The following ARHGEF10L variants were observed in gnomAD, a reference collection of about 807,000 sequenced individuals.
The protein encoded by ARHGEF10L is rho guanine nucleotide exchange factor 10-like protein.
ARHGEF10L carries 69 observed loss-of-function variants against 141.2 expected under a neutral mutation model. That is an observed-to-expected ratio of 0.49 (90% confidence interval 0.40 to 0.60). ARHGEF10L has a LOEUF of 0.60. Ranked by LOEUF, ARHGEF10L falls within the 20% of genes least tolerant of loss-of-function variation. ARHGEF10L has a pLI of 0.00. For missense variants in ARHGEF10L, 1,482 were observed against 1,734.3 expected, an observed-to-expected ratio of 0.85 and a Z score of 2.58; for synonymous variants, 711 against 718.5, an observed-to-expected ratio of 0.99 and a Z score of 0.17.
chr1:17,669,764 G>A (rs941295340), intron 26 of ARHGEF10L, among the ~76,000 whole-genome samples: 4 of 152,250 alleles, frequency 2.6e-5, no homozygotes, highest in Non-Finnish European at 4.4e-5. Flanking sequence ...TCTAGCAGGG[G>A]CTCCCAATTC....
chr1:17,691,429 G>A (rs2065097204), intron 27 of ARHGEF10L, among the ~76,000 whole-genome samples: 1 of 152,080 alleles, frequency 6.6e-6, no homozygotes, highest in African/African-American at 2.4e-5. Flanking sequence ...GTGGGGGCTG[G>A]GAGGATGCAG....
At chr1:17,529,665 C>T in the ARHGEF10L span, among the ~76,000 whole-genome samples, 3 of 152,072 alleles carry the variant, frequency 2.0e-5, no homozygotes, top group South Asian at 4.1e-4. Context: ...GGCAGGCTAT[C>T]TGGGAAGTTC....
intron 25 of ARHGEF10L, among the ~76,000 whole-genome samples, chr1:17,663,995 C>T (rs894978897): frequency 1.6e-4 from 24 of 152,166 alleles, no homozygotes; most frequent in Admixed American, 4.6e-4. Flanking sequence ...CTCATTTGTG[C>T]TTGGCGTGTC....
chr1:17,601,795 G>C lies in ARHGEF10L; in HGVS notation c.258-332G>C, dbSNP rs1190473115. On this transcript the variant is annotated intron_variant, in intron 4 of 28. Transcript: ENST00000361221. ...AGGGATCCCCCAGCCTGCCCCTTCTGTTGTATGTGGGAGAGTGGAGAGGTG... is the reference window on the plus strand; with the variant it reads ...AGGGATCCCCCAGCCTGCCCCTTCTCTTGTATGTGGGAGAGTGGAGAGGTG... Among the ~76,000 whole-genome samples the C allele has an allele frequency of 2.6e-5, 4 of 152,156 alleles. No individual in the cohort carries two copies. In the East Asian group the frequency reaches 7.7e-4, roughly 29 times the overall value.
At chr1:17,588,509 G>A (rs748558269) in intron 4 of ARHGEF10L, 30 bp downstream of exon 4, 36 of 1,613,684 alleles carry the variant, frequency 2.2e-5, no homozygotes, top group East Asian at 1.3e-4. Context: ...TTGCTTTGGC[G>A]GTTGGAAACA....
In ARHGEF10L at chr1:17,633,724, T is replaced by C. The variant is rs533588870; in HGVS notation, c.1731-824T>C. Among the ~76,000 whole-genome samples the C allele has an allele frequency of 2.6e-5, 4 of 152,234 alleles. No homozygotes were observed. In the South Asian group the frequency reaches 8.3e-4, roughly 32 times the overall value. Reference sequence around the variant, plus strand: ...TCACCGAAATCCAGGAGGGAAACAATCACCTCAGTGGAATGTGAATCCCAG... The same window carrying C: ...TCACCGAAATCCAGGAGGGAAACAACCACCTCAGTGGAATGTGAATCCCAG... On this transcript the variant is annotated intron_variant, in intron 16 of 28. Coordinates refer to ENST00000361221, the MANE Select transcript of ARHGEF10L (RefSeq NM_018125.4).
intron 16 of ARHGEF10L, among the ~76,000 whole-genome samples, chr1:17,633,948 T>A (rs1279329873): frequency 6.6e-6 from 1 of 152,146 alleles, no homozygotes; most frequent in Non-Finnish European, 1.5e-5. Context: ...CGTCTATGAA[T>A]CCATTGAATG....
intron 26 of ARHGEF10L, among the ~76,000 whole-genome samples, chr1:17,675,977 T>G (rs552605212): frequency 4.1e-5 from 6 of 147,010 alleles, no homozygotes; most frequent in Non-Finnish European, 8.9e-5. Flanking sequence ...TGTGCAAGTG[T>G]GGGTGCAGGT....
At chr1:17,551,051 A>G (rs1252167801) in intron 1 of ARHGEF10L, among the ~76,000 whole-genome samples, 2 of 152,188 alleles carry the variant, frequency 1.3e-5, no homozygotes, top group Non-Finnish European at 2.9e-5. Flanking sequence ...CAGCAGGTGC[A>G]CGACTGTGTA....
At chr1:17,546,886 G>A (rs1009917565) in intron 1 of ARHGEF10L, among the ~76,000 whole-genome samples, 4 of 152,138 alleles carry the variant, frequency 2.6e-5, no homozygotes, top group South Asian at 4.1e-4. Context: ...TGCATGGCTC[G>A]TGGGAGCTTT....
the ARHGEF10L span, among the ~76,000 whole-genome samples, chr1:17,519,884 C>T: frequency 4.6e-5 from 7 of 152,020 alleles, no homozygotes; most frequent in African/African-American, 7.2e-5. Flanking sequence ...GAGACAAGGC[C>T]GGTTGCATGA....
chr1:17,643,734 T>C (rs1266405419), intron 21 of ARHGEF10L, among the ~76,000 whole-genome samples: 1 of 152,092 alleles, frequency 6.6e-6, no homozygotes, highest in Non-Finnish European at 1.5e-5. Flanking sequence ...TGTGGGGAGA[T>C]GGTGCATGGA....
At chr1:17,531,417 TG>T in the ARHGEF10L span, among the ~76,000 whole-genome samples, 1 of 152,164 alleles carries the variant, frequency 6.6e-6, no homozygotes, top group African/African-American at 2.4e-5. Flanking sequence ...CTTGAGTTCT[TG>T]GGGGAAGACT....
intron 26 of ARHGEF10L, among the ~76,000 whole-genome samples, chr1:17,670,267 C>A (rs1287414829): frequency 6.6e-6 from 1 of 152,232 alleles, no homozygotes; most frequent in African/African-American, 2.4e-5. Flanking sequence ...CCCTGCAGAG[C>A]TGGCACCCGC....
At chr1:17,595,608 TG>T (rs1203058112) in intron 4 of ARHGEF10L, among the ~76,000 whole-genome samples, 1 of 151,990 alleles carries the variant, frequency 6.6e-6, no homozygotes, top group Non-Finnish European at 1.5e-5. Flanking sequence ...TGACCATGTG[TG>T]GGGTGGCACA....
At chr1:17,665,531 GTGT>G (rs2102192441) in intron 26 of ARHGEF10L, among the ~76,000 whole-genome samples, 1 of 152,306 alleles carries the variant, frequency 6.6e-6, no homozygotes, top group South Asian at 2.1e-4. Flanking sequence ...TGCTTTTCTG[GTGT>G]TGTAGCAGCA....
chr1:17,619,456 G>A lies in ARHGEF10L; in HGVS notation c.942+11G>A. ...CTGAGCCCTCAGCAGGTCTGTGGGG[G>A]AGTGGGGCAGGTGGGGGTCTGCAGG... On this transcript the variant is annotated intron_variant, in intron 10 of 28. Transcript: ENST00000361221. This position sits in a 1 kb window ranked among gnomAD's most constrained non-coding sequence, Gnocchi z 5.0. 6.3e-7 allele frequency: 1 copy of A among 1,579,354 alleles called. No homozygotes were observed. The highest frequency in any genetic ancestry group is 8.6e-7 in the Non-Finnish European group (1 of 1,160,580).
intron 26 of ARHGEF10L, among the ~76,000 whole-genome samples, chr1:17,668,738 G>A (rs1412936008): frequency 6.6e-6 from 1 of 152,216 alleles, no homozygotes; most frequent in East Asian, 1.9e-4. Flanking sequence ...TTCGCTGCGC[G>A]GTGCGGGCAG....
intron 1 of ARHGEF10L, among the ~76,000 whole-genome samples, chr1:17,543,514 C>T (rs180838541): frequency 4.2e-4 from 64 of 151,686 alleles, no homozygotes; most frequent in Non-Finnish European, 8.0e-4. Context: ...ACCCAGGAGG[C>T]GGAGGTTGCA....
Sources: gnomAD v4.1 joint callset for allele counts (sites outside exome capture counted in the v4.1 genomes callset) on GRCh38, gnomAD v4.1.1 for gene constraint, Gnocchi (gnomAD v3.1) non-coding constraint, MANE v1.5 for transcripts, NCBI Gene and HGNC (gene_info 2026-07-23, HGNC 2026-07-21) for gene names.